UBE4B: variants seen among roughly 807,000 people sequenced by gnomAD.
UBE4B encodes ubiquitin conjugation factor E4 B.
A neutral mutation model predicts 148.1 loss-of-function variants in UBE4B; 27 were observed. The observed-to-expected ratio is 0.18, with a 90% confidence interval of 0.13 to 0.25. UBE4B has a LOEUF of 0.25. Among genes scored for constraint, UBE4B ranks in the 10% least tolerant of loss-of-function variants. The pLI is 1.00. For missense variants in UBE4B, 1,170 were observed against 1,662.4 expected (o/e 0.70, Z 5.15); for synonymous variants, 596 against 619.3 (o/e 0.96, Z 0.56).
chr1:10,152,206 C>T (rs1645987052), intron 21 of UBE4B, among the ~76,000 whole-genome samples: 1 of 151,262 alleles, frequency 6.6e-6, no homozygotes, highest in African/African-American at 2.4e-5. Flanking sequence ...TTGCAGTGAG[C>T]CGAGATCCCG....
At chr1:10,033,997 C>T (rs1643405225) in intron 1 of UBE4B, among the ~76,000 whole-genome samples, 2 of 151,908 alleles carry the variant, frequency 1.3e-5, no homozygotes, top group Non-Finnish European at 2.9e-5. Flanking sequence ...ACAAGAAGGG[C>T]GAGATTTACA....
chr1:10,095,647 A>G (rs781193669), intron 3 of UBE4B, 51 bp downstream of exon 3: 2 of 1,608,808 alleles, frequency 1.2e-6, no homozygotes, highest in Non-Finnish European at 1.7e-6. Flanking sequence ...GGAAAGAGAA[A>G]GATCCATTCA....
chr1:10,163,872 G>A (rs892829522), intron 23 of UBE4B, among the ~76,000 whole-genome samples: 10 of 150,980 alleles, frequency 6.6e-5, no homozygotes, highest in South Asian at 4.2e-4. Flanking sequence ...GATTACAGGC[G>A]TGCACCACCA....
intron 12 of UBE4B, among the ~76,000 whole-genome samples, chr1:10,130,187 G>A (rs1442950469): frequency 6.6e-6 from 1 of 151,998 alleles, no homozygotes; most frequent in East Asian, 1.9e-4. Context: ...GATTCTCTTG[G>A]CCTCAGCCTC....
chr1:10,121,629 A>G (rs977185712), intron 9 of UBE4B, among the ~76,000 whole-genome samples: 3 of 151,958 alleles, frequency 2.0e-5, no homozygotes, highest in South Asian at 2.1e-4. Flanking sequence ...CTGGGCCTCA[A>G]GTGATCCTCC....
chr1:10,090,378 C>T (rs544595186), intron 2 of UBE4B, among the ~76,000 whole-genome samples: 1 of 152,094 alleles, frequency 6.6e-6, no homozygotes, highest in East Asian at 1.9e-4. Context: ...ACCTTGGCCT[C>T]CAAAAGTTCT....
At chr1:10,162,917 T>A (rs1298243990) in intron 23 of UBE4B, among the ~76,000 whole-genome samples, 1 of 152,158 alleles carries the variant, frequency 6.6e-6, no homozygotes, top group Non-Finnish European at 1.5e-5. Context: ...TAAGGTCCTA[T>A]CCAAATACTC....
chr1:10,048,461 C>T (rs1319963908), intron 1 of UBE4B, among the ~76,000 whole-genome samples: 1 of 152,064 alleles, frequency 6.6e-6, no homozygotes, highest in Non-Finnish European at 1.5e-5. Flanking sequence ...AGAGAGTGAG[C>T]ATAAATGCGG....
At chr1:10,041,993 G>A (rs1286610926) in intron 1 of UBE4B, among the ~76,000 whole-genome samples, 1 of 152,114 alleles carries the variant, frequency 6.6e-6, no homozygotes, top group African/African-American at 2.4e-5. Context: ...GGAGTGCAGT[G>A]GTGCTATCTT....
rs766812302 is a variant in UBE4B at position 10,179,515 on chromosome 1, C to T, written c.3800C>T (p.Thr1267Met). The T allele has an allele frequency of 1.9e-6, 3 of 1,613,940 alleles. No homozygotes were observed. Among genetic ancestry groups the T allele is most frequent in the Non-Finnish European group, 2.5e-6 (3 of 1,180,026 alleles). ...IILRHLLNSP[T>M]DPFNRQTLTE... ...CTGCGGCACCTGCTCAACTCCCCCACGGACCCCTTCAACCGGCAGACGCTG... is the reference window on the plus strand; with the variant it reads ...CTGCGGCACCTGCTCAACTCCCCCATGGACCCCTTCAACCGGCAGACGCTG... The change falls in exon 27 of 28, where the codon ACG becomes ATG. Residue 1267 changes from threonine to methionine, a missense_variant. Thr to Met is a moderately conservative substitution (Grantham distance 81). Transcript: ENST00000343090.
At chr1:10,094,780 G>A (rs1310882376) in intron 2 of UBE4B, among the ~76,000 whole-genome samples, 3 of 151,472 alleles carry the variant, frequency 2.0e-5, no homozygotes, top group African/African-American at 7.3e-5. Context: ...TTTTCTATAG[G>A]TTTATTAATA....
chr1:10,125,744 T>G (rs1375715824), intron 10 of UBE4B, among the ~76,000 whole-genome samples: 1 of 152,204 alleles, frequency 6.6e-6, no homozygotes, highest in Non-Finnish European at 1.5e-5. Context: ...TGAGCTAGGC[T>G]GAGTAAATCT....
chr1:10,037,832 A>G (rs1643598918), intron 1 of UBE4B, among the ~76,000 whole-genome samples: 1 of 152,128 alleles, frequency 6.6e-6, no homozygotes, highest in Admixed American at 6.5e-5. Flanking sequence ...CTGAGATTAC[A>G]GGCATGAGCC....
chr1:10,137,070 G>A lies in UBE4B; in HGVS notation c.2228G>A (p.Gly743Asp). The part of the protein sequence containing the change: ...DVNDWLTELY[G>D]DQPPFSEPKF... ...GGAATGATGTTATTTTTCCTAGATG[G>A]CGATCAGCCTCCATTTTCTGAGCCG... Residue 743 changes from glycine to aspartate, a missense_variant, in exon 17 of 28, where the codon GGC becomes GAC. This residue lies in a region of UBE4B where 388 missense variants were observed against 536.0 expected (regional missense o/e 0.72). Transcript: ENST00000343090. 6.2e-7 allele frequency: 1 copy of A among 1,613,890 alleles called. No individual in the cohort carries two copies. The highest frequency in any genetic ancestry group is 8.5e-7 in the Non-Finnish European group (1 of 1,179,932).
At chr1:10,121,825 G>C in intron 9 of UBE4B, 137 bp from the exon 10 acceptor site, 1 of 518,212 alleles carries the variant, frequency 1.9e-6, no homozygotes, top group Non-Finnish European at 3.5e-6. Flanking sequence ...GTTAGCTTTC[G>C]CCTGAAACTA....
intron 1 of UBE4B, among the ~76,000 whole-genome samples, chr1:10,034,703 C>G (rs1408177231): frequency 2.0e-5 from 3 of 152,192 alleles, no homozygotes; most frequent in East Asian, 1.9e-4. Flanking sequence ...TACTACAAGA[C>G]TTCCATGCTC....
chr1:10,102,337 T>TGTACATCC, intron 4 of UBE4B, among the ~76,000 whole-genome samples: 1 of 150,532 alleles, frequency 6.6e-6, no homozygotes. Flanking sequence ...AGATAGGATA[T>TGTACATCC]GTACATCCTC....
Position 10,167,295 on chromosome 1 carries a change from C to T in UBE4B, c.3199-841C>T, listed in dbSNP as rs150613900. On this transcript the variant is annotated intron_variant, in intron 23 of 27. Coordinates refer to ENST00000343090, the MANE Select transcript of UBE4B (RefSeq NM_001105562.3). ...TCTCTACTAAAAATACAGAATTAGC[C>T]GGGCATGGTGACACATGCCTGTAGT... Among the ~76,000 whole-genome samples, 740 of 149,920 alleles carry T rather than the reference C, an allele frequency of 4.9e-3. 9 individuals are homozygous for T. Among genetic ancestry groups the T allele is most frequent in the African/African-American group, 0.017 (690 of 40,708 alleles).
chr1:10,082,753 T>A (rs1644703637), intron 2 of UBE4B, among the ~76,000 whole-genome samples: 3 of 150,908 alleles, frequency 2.0e-5, no homozygotes. Context: ...ACTCATCATC[T>A]AGATTTTAAG....
Sources: allele counts gnomAD v4.1 joint callset (sites outside exome capture counted in the v4.1 genomes callset), GRCh38; gene constraint gnomAD v4.1.1; regional missense constraint gnomAD v4.1.1; transcripts MANE v1.5; gene names NCBI Gene and HGNC (gene_info 2026-07-23, HGNC 2026-07-21).